Variants in CACNA2D1 observed in about 807,000 individuals in gnomAD.
CACNA2D1 encodes the protein calcium voltage-gated channel auxiliary subunit alpha2delta 1.
Under a neutral mutation model 171.5 loss-of-function variants are expected in CACNA2D1, and 53 were observed. The ratio of observed to expected loss-of-function variants is 0.31; its 90% CI spans 0.25 to 0.39. The LOEUF (loss-of-function observed/expected upper bound fraction) is 0.39. Ranked by LOEUF, CACNA2D1 falls within the 10% of genes least tolerant of loss-of-function variation. The pLI is 1.00. For missense variants in CACNA2D1, 903 were observed against 1,299.8 expected (o/e 0.69, Z 4.69); for synonymous variants, 442 against 443.1 (o/e 1.00, Z 0.03).
intron 3 of CACNA2D1, among the ~76,000 whole-genome samples, chr7:82,290,989 C>CTATATTTATT (rs1811465880): frequency 8.7e-6 from 1 of 114,972 alleles, no homozygotes; most frequent in East Asian, 2.5e-4. Flanking sequence ...TTTTTTTTTT[C>CTATATTTATT]CTTTGAGACA....
chr7:82,387,753 G>A (rs925815726), intron 1 of CACNA2D1, among the ~76,000 whole-genome samples: 1 of 152,128 alleles, frequency 6.6e-6, no homozygotes, highest in East Asian at 1.9e-4. Context: ...TAGCTTAAGT[G>A]TTCAGGTTCA....
intron 6 of CACNA2D1, among the ~76,000 whole-genome samples, chr7:82,090,878 G>A (rs1041270002): frequency 3.9e-5 from 6 of 151,962 alleles, no homozygotes; most frequent in African/African-American, 1.4e-4. Context: ...TGTGGCAAAC[G>A]TTCATTTCAC....
At chr7:82,137,434 A>C (rs1791754423) in intron 4 of CACNA2D1, among the ~76,000 whole-genome samples, 1 of 152,154 alleles carries the variant, frequency 6.6e-6, no homozygotes, top group African/African-American at 2.4e-5. Flanking sequence ...GTAGTGTAAA[A>C]ATAATCCACT....
intron 3 of CACNA2D1, among the ~76,000 whole-genome samples, chr7:82,305,811 T>G (rs776334848): frequency 6.6e-6 from 1 of 152,208 alleles, no homozygotes; most frequent in Non-Finnish European, 1.5e-5. Flanking sequence ...TTCCCTACAC[T>G]TTTGGTGCTA....
At chr7:82,107,586 CTTTT>C (rs72498624) in intron 6 of CACNA2D1, among the ~76,000 whole-genome samples, 2 of 135,652 alleles carry the variant, frequency 1.5e-5, no homozygotes, top group Admixed American at 1.5e-4. Flanking sequence ...TGAAAATAAA[CTTTT>C]TTTTTTTTTT....
At chr7:82,064,404 C>T in intron 8 of CACNA2D1, 50 bp from the exon 9 acceptor site, 2 of 1,338,602 alleles carry the variant, frequency 1.5e-6, no homozygotes, top group Non-Finnish European at 1.1e-6. Context: ...ATATCAAACA[C>T]TGATATTTGT....
intron 4 of CACNA2D1, among the ~76,000 whole-genome samples, chr7:82,152,101 T>C (rs1379445071): frequency 2.6e-5 from 4 of 151,974 alleles, no homozygotes; most frequent in African/African-American, 9.7e-5. Flanking sequence ...TGTATCAAAC[T>C]ATATATTTAC....
At chr7:82,024,430 G>A (rs575965060) in intron 12 of CACNA2D1, among the ~76,000 whole-genome samples, 2 of 151,544 alleles carry the variant, frequency 1.3e-5, no homozygotes, top group Non-Finnish European at 1.5e-5. Flanking sequence ...GTAGCTATTG[G>A]CTACCTCTAT....
rs1047010714 is a variant in CACNA2D1 at position 82,443,619 on chromosome 7, G to T, written c.-160C>A. ...CGAGGCGCGGAGCCGCGCGGGGGAC[G>T]GCAAGGGCGGGAGCGGACGCCGAGG... On this transcript the variant is annotated 5_prime_UTR_variant, in exon 1 of 39. Coordinates refer to ENST00000356860, the MANE Select transcript of CACNA2D1 (RefSeq NM_000722.4). 1.2e-5 allele frequency: 16 copies of T among 1,352,524 alleles called. No homozygotes were observed. The South Asian group carries it at 1.5e-4, about 13-fold the overall frequency. 83.8% of individuals were successfully genotyped at this position (1,352,524 alleles called of 1,614,324 possible).
rs370491406 is a variant in CACNA2D1, at chr7:82,403,615, T to C, written c.95+39750A>G. Reference sequence around the variant, plus strand: ...CTCTTTGCTACTTACTGAACAATAGTGCTAGGCATCTTTCTAGAAGCACTT... The same window carrying C: ...CTCTTTGCTACTTACTGAACAATAGCGCTAGGCATCTTTCTAGAAGCACTT... On this transcript the variant is annotated intron_variant, in intron 1 of 38. Transcript: ENST00000356860. 5.3e-5 allele frequency among the ~76,000 whole-genome samples: 8 copies of C among 152,330 alleles called. No individual in the cohort carries two copies. The South Asian group carries it at 1.4e-3, about 28-fold the overall frequency.
chr7:82,035,146 G>A (rs1184683655), intron 11 of CACNA2D1, among the ~76,000 whole-genome samples: 1 of 151,984 alleles, frequency 6.6e-6, no homozygotes, highest in Non-Finnish European at 1.5e-5. Flanking sequence ...GTATTTCTGT[G>A]TGCCAGTATA....
In CACNA2D1 at chr7:82,066,532, A is replaced by C. The variant is rs773518022; in HGVS notation, c.659-8T>G. 1.9e-6 allele frequency: 3 copies of C among 1,591,522 alleles called. No homozygotes were observed. In the East Asian group the frequency reaches 6.7e-5, roughly 36 times the overall value. On this transcript the variant is annotated splice_region_variant and splice_polypyrimidine_tract_variant and intron_variant, in intron 7 of 38. Coordinates refer to ENST00000356860, the MANE Select transcript of CACNA2D1 (RefSeq NM_000722.4). ...TATCAACCCATGGTGAAGCTAAAAA[A>C]AAAAAAAAAAGAGAGATATTAAATC...
intron 12 of CACNA2D1, among the ~76,000 whole-genome samples, chr7:82,016,714 A>G (rs750471038): frequency 6.6e-6 from 1 of 151,052 alleles, no homozygotes; most frequent in East Asian, 2.0e-4. Flanking sequence ...GAGGTTGTCA[A>G]AATTAAGGTA....
At position 82,106,934 on chromosome 7, in the gene CACNA2D1, TAG is replaced by T. The variant is rs1232299949; in HGVS notation, c.526+10108_526+10109del. ...CCAAGATTAACCATATATGCTGACA[TAG>T]ATTCTTAAAAACTTGAAGTACTCTT... On this transcript the variant is annotated intron_variant, in intron 6 of 38. Transcript: ENST00000356860. Among the ~76,000 whole-genome samples, 9 of 152,318 alleles carry T rather than the reference TAG, an allele frequency of 5.9e-5. No homozygotes were observed. In the East Asian group the frequency reaches 1.7e-3, roughly 29 times the overall value.
intron 4 of CACNA2D1, among the ~76,000 whole-genome samples, chr7:82,148,439 A>G (rs1793406466): frequency 6.6e-6 from 1 of 152,188 alleles, no homozygotes; most frequent in Admixed American, 6.5e-5. Flanking sequence ...AGTGACATGT[A>G]TATGGACTGG....
At chr7:82,290,772 T>G (rs528892539) in intron 3 of CACNA2D1, among the ~76,000 whole-genome samples, 15 of 151,730 alleles carry the variant, frequency 9.9e-5, no homozygotes, top group African/African-American at 3.4e-4. Flanking sequence ...AATTTTGTAT[T>G]TTTAGTAGAG....
intron 1 of CACNA2D1, among the ~76,000 whole-genome samples, chr7:82,355,365 C>G (rs994359913): frequency 6.6e-6 from 1 of 152,010 alleles, no homozygotes; most frequent in Non-Finnish European, 1.5e-5. Flanking sequence ...CAGAATTTTT[C>G]AAATATGCAG....
At chr7:82,349,062 T>C (rs1380936269) in intron 2 of CACNA2D1, among the ~76,000 whole-genome samples, 2 of 152,168 alleles carry the variant, frequency 1.3e-5, no homozygotes, top group African/African-American at 4.8e-5. Flanking sequence ...AGAGTCTCCT[T>C]ATCTTGCACC....
At chr7:82,206,701 G>T (rs1362630183) in intron 3 of CACNA2D1, among the ~76,000 whole-genome samples, 1 of 152,014 alleles carries the variant, frequency 6.6e-6, no homozygotes, top group Non-Finnish European at 1.5e-5. Context: ...ATAATAGCAG[G>T]ATCCCAAATT....
Sources: allele counts gnomAD v4.1 joint callset (sites outside exome capture counted in the v4.1 genomes callset), GRCh38; gene constraint gnomAD v4.1.1; transcripts MANE v1.5; gene names NCBI Gene and HGNC (gene_info 2026-07-23, HGNC 2026-07-21).